The following PPP6C variants were observed in gnomAD, a reference collection of about 807,000 sequenced individuals.
PPP6C encodes serine/threonine-protein phosphatase 6 catalytic subunit.
A neutral mutation model predicts 39.8 loss-of-function variants in PPP6C; 11 were observed. The ratio of observed to expected loss-of-function variants is 0.28; its 90% confidence interval spans 0.17 to 0.46. The LOEUF is 0.46. Among genes scored for constraint, PPP6C ranks in the 20% least tolerant of loss-of-function variants. The pLI is 1.00. For synonymous variants in PPP6C, 129 were observed against 130.3 expected, an observed-to-expected ratio of 0.99 and a Z score of 0.07; for missense variants, 211 against 373.9, an observed-to-expected ratio of 0.56 and a Z score of 3.59.
intron 2 of PPP6C, among the ~76,000 whole-genome samples, chr9:125,168,679 G>C (rs564859925): frequency 6.6e-6 from 1 of 151,646 alleles, no homozygotes; most frequent in Admixed American, 6.6e-5. Context: ...GGATGGTCTC[G>C]ATCTCTTGCC....
chr9:125,179,066 T>C (rs1829366881), intron 1 of PPP6C, among the ~76,000 whole-genome samples: 1 of 152,002 alleles, frequency 6.6e-6, no homozygotes, highest in Non-Finnish European at 1.5e-5. Flanking sequence ...AAATACAAAA[T>C]TAGCCGGGTG....
intron 4 of PPP6C, among the ~76,000 whole-genome samples, chr9:125,156,803 T>G (rs949865680): frequency 8.6e-5 from 13 of 150,850 alleles, no homozygotes; most frequent in Admixed American, 7.3e-4. Flanking sequence ...TTTTAAAGAA[T>G]TAGCTAGTTT....
At chr9:125,156,661 A>T (rs1836082914) in intron 4 of PPP6C, among the ~76,000 whole-genome samples, 1 of 151,550 alleles carries the variant, frequency 6.6e-6, no homozygotes, top group Non-Finnish European at 1.5e-5. Flanking sequence ...ATCTCTCAAT[A>T]TCTGTCTTAA....
rs535731222 is a variant in PPP6C at position 125,166,186 on chromosome 9, T to C, written c.171+4899A>G. 5.3e-5 allele frequency among the ~76,000 whole-genome samples: 8 copies of C among 152,334 alleles called. No individual in the cohort carries two copies. In the South Asian group the frequency reaches 1.7e-3, roughly 32 times the overall value. On this transcript the variant is annotated intron_variant, in intron 2 of 6. Coordinates refer to ENST00000373547, the MANE Select transcript of PPP6C (RefSeq NM_002721.5). ...AGTAATTTGAAAAATGAAAATGACA[T>C]TGCATTTTATATCATCAAAAAACCA...
rs540813289 is a variant in PPP6C at position 125,150,673 on chromosome 9, G to C, written c.670-752C>G. 2.6e-4 allele frequency: 254 copies of C among 969,772 alleles called. No homozygotes were observed. In the African/African-American group the frequency reaches 4.0e-3, roughly 15 times the overall value. The allele number at this position is 969,772 out of a possible 1,614,324, so 60.1% of individuals were successfully genotyped here. A position where few individuals can be genotyped will look rare whatever the true frequency, so the allele number is the denominator to read the frequency against. On this transcript the variant is annotated intron_variant, in intron 6 of 6. Transcript: ENST00000373547. ...ATCCTGAATATCAAAATCTTCAGCG[G>C]CAGCTCCCACCAGGGCTTATCTCAG...
chr9:125,157,752 A>C (rs1836116223), intron 4 of PPP6C, among the ~76,000 whole-genome samples: 1 of 146,666 alleles, frequency 6.8e-6, no homozygotes, highest in African/African-American at 2.5e-5. Context: ...GTGCTGTGGC[A>C]TGATCTCGGC....
At position 125,177,235 on chromosome 9, in the gene PPP6C, G is replaced by T. The variant is rs534478088; in HGVS notation, c.76-6055C>A. Among the ~76,000 whole-genome samples, 6 of 152,214 alleles carry T rather than the reference G, an allele frequency of 3.9e-5. No individual in the cohort carries two copies. In the East Asian group the frequency reaches 9.7e-4, roughly 25 times the overall value. On this transcript the variant is annotated intron_variant, in intron 1 of 6. Transcript: ENST00000373547. Reference sequence around the variant, plus strand: ...TAAAAATACAAAAAATTAGCCGGGCGTGGTGGCGGGCGCCTGTAGTCTCAG... The same window carrying T: ...TAAAAATACAAAAAATTAGCCGGGCTTGGTGGCGGGCGCCTGTAGTCTCAG...
chr9:125,149,625 G>C lies in PPP6C; in HGVS notation c.*48C>G. Reference sequence around the variant, plus strand: ...TTGTAGAGGGTAATACAAGAAAATTGGGGTAAGAAGAGGGCAGAAAAATGG... The same window carrying C: ...TTGTAGAGGGTAATACAAGAAAATTCGGGTAAGAAGAGGGCAGAAAAATGG... On this transcript the variant is annotated 3_prime_UTR_variant, in exon 7 of 7. Coordinates refer to ENST00000373547, the MANE Select transcript of PPP6C (RefSeq NM_002721.5). 1.3e-6 allele frequency: 2 copies of C among 1,586,582 alleles called. No individual in the cohort carries two copies. Among genetic ancestry groups the C allele is most frequent in the South Asian group, 1.1e-5 (1 of 88,212 alleles).
intron 1 of PPP6C, among the ~76,000 whole-genome samples, chr9:125,181,703 C>T (rs173391): frequency 0.47 from 71,900 of 152,118 alleles, 17,425 homozygotes; most frequent in East Asian, 0.62. Context: ...AGTCTATCAT[C>T]GATGGGCATT....
At chr9:125,160,662 G>A (rs1262960159) in intron 3 of PPP6C, among the ~76,000 whole-genome samples, 179 bp downstream of exon 3, 2 of 152,164 alleles carry the variant, frequency 1.3e-5, no homozygotes, top group Non-Finnish European at 2.9e-5. Flanking sequence ...AACCTCTTTT[G>A]TAAATTGCCC....
At chr9:125,170,689 T>C (rs1829127902) in intron 2 of PPP6C, among the ~76,000 whole-genome samples, 1 of 152,138 alleles carries the variant, frequency 6.6e-6, no homozygotes, top group Non-Finnish European at 1.5e-5. Flanking sequence ...AAATGATAAA[T>C]TTTCAACAAT....
chr9:125,183,069 A>G (rs1829452371), intron 1 of PPP6C, among the ~76,000 whole-genome samples: 1 of 152,132 alleles, frequency 6.6e-6, no homozygotes, highest in East Asian at 1.9e-4. Context: ...ATCTAGTTAT[A>G]GTACTAAGTA....
chr9:125,151,313 G>A, intron 6 of PPP6C: 1 of 1,468,488 alleles, frequency 6.8e-7, no homozygotes, highest in East Asian at 2.3e-5. Context: ...TGACACTTGT[G>A]GCACAATCTG....
At position 125,189,768 on chromosome 9, in the gene PPP6C, G is replaced by C. The variant is rs376625505; in HGVS notation, c.-50C>G. The C allele has an allele frequency of 3.2e-6, 5 of 1,540,290 alleles. No homozygotes were observed. Among genetic ancestry groups the C allele is most frequent in the Non-Finnish European group, 4.4e-6 (5 of 1,144,102 alleles). ...CAGCGGCGGCGGCGGCTGTAGCAGCGGCGGCGGCAGCGGCGGAGGCCGAAG... is the reference window on the plus strand; with the variant it reads ...CAGCGGCGGCGGCGGCTGTAGCAGCCGCGGCGGCAGCGGCGGAGGCCGAAG... On this transcript the variant is annotated 5_prime_UTR_variant, in exon 1 of 7. Coordinates refer to ENST00000373547, the MANE Select transcript of PPP6C (RefSeq NM_002721.5).
At chr9:125,174,041 G>GA (rs1427369856) in intron 1 of PPP6C, among the ~76,000 whole-genome samples, 1 of 152,286 alleles carries the variant, frequency 6.6e-6, no homozygotes, top group South Asian at 2.1e-4. Flanking sequence ...TCTGGAAAAG[G>GA]AAGTATACAT....
intron 2 of PPP6C, among the ~76,000 whole-genome samples, chr9:125,167,731 G>C (rs1408286903): frequency 1.4e-5 from 2 of 144,498 alleles, no homozygotes; most frequent in Admixed American, 7.0e-5. Context: ...TTTTTTTAGA[G>C]ATGGGGAGTC....
At chr9:125,151,342 T>C in intron 6 of PPP6C, 2 of 1,385,672 alleles carry the variant, frequency 1.4e-6, no homozygotes, top group Non-Finnish European at 2.1e-6. Flanking sequence ...CTGACAAACT[T>C]CTCTCAGCTG....
At chr9:125,158,855 G>A (rs1393228107) in intron 3 of PPP6C, among the ~76,000 whole-genome samples, 2 of 151,388 alleles carry the variant, frequency 1.3e-5, no homozygotes, top group Non-Finnish European at 2.9e-5. Context: ...TGTAGAGACG[G>A]GGGTTTCACC....
At chr9:125,164,218 C>CTTTTTTTTT (rs10684647) in intron 2 of PPP6C, among the ~76,000 whole-genome samples, 1 of 74,752 alleles carries the variant, frequency 1.3e-5, no homozygotes, top group Non-Finnish European at 2.6e-5. Context: ...CCCTCACTCT[C>CTTTTTTTTT]TTTTTTTTTT....
Sources: allele counts gnomAD v4.1 joint callset (sites outside exome capture counted in the v4.1 genomes callset), GRCh38; gene constraint gnomAD v4.1.1; transcripts MANE v1.5; gene names NCBI Gene and HGNC (gene_info 2026-07-23, HGNC 2026-07-21).